The following ARIH1 variants were observed in gnomAD, a reference collection of about 807,000 sequenced individuals.
ARIH1 encodes ariadne RBR E3 ubiquitin protein ligase 1.
A neutral mutation model predicts 85.0 loss-of-function variants in ARIH1; 8 were observed. That is an observed-to-expected ratio of 0.09 (90% CI 0.06 to 0.17). The LOEUF is 0.17. Ranked by LOEUF, ARIH1 falls within the 10% of genes least tolerant of loss-of-function variation. ARIH1 has a pLI of 1.00. For synonymous variants in ARIH1, 238 were observed against 253.6 expected, an observed-to-expected ratio of 0.94 and a Z score of 0.59; for missense variants, 311 against 718.1, an observed-to-expected ratio of 0.43 and a Z score of 6.48.
Position 72,589,383 on chromosome 15 carries a change from A to G in ARIH1, c.*6091A>G, listed in dbSNP as rs2064331323. 6.6e-6 allele frequency: 1 copy of G among 152,256 alleles called. No individual in the cohort carries two copies. The highest frequency in any genetic ancestry group is 2.4e-5 in the African/African-American group (1 of 41,460). The allele number at this position is 152,256 out of a possible 1,614,324, so 9.4% of individuals were successfully genotyped here. On this transcript the variant is annotated 3_prime_UTR_variant, in exon 14 of 14. Coordinates refer to ENST00000379887, the MANE Select transcript of ARIH1 (RefSeq NM_005744.5). Reference sequence around the variant, plus strand: ...TAAGCACACCAGTGCTAACTTGGGCAAAAGATAAGGATACAGAGCTGTCTC... The same window carrying G: ...TAAGCACACCAGTGCTAACTTGGGCGAAAGATAAGGATACAGAGCTGTCTC...
chr15:72,530,735 A>G (rs1268427979), intron 2 of ARIH1, among the ~76,000 whole-genome samples: 2 of 152,234 alleles, frequency 1.3e-5, no homozygotes, highest in African/African-American at 4.8e-5. Flanking sequence ...TTTTATAACT[A>G]AACAAAATAA....
At chr15:72,541,037 G>T (rs2064104845) in intron 2 of ARIH1, among the ~76,000 whole-genome samples, 1 of 152,098 alleles carries the variant, frequency 6.6e-6, no homozygotes, top group Admixed American at 6.5e-5. Context: ...GGGACCAGGG[G>T]GCCAACGCTA....
At chr15:72,493,669 A>G (rs2063868261) in intron 1 of ARIH1, among the ~76,000 whole-genome samples, 1 of 152,306 alleles carries the variant, frequency 6.6e-6, no homozygotes, top group African/African-American at 2.4e-5. Flanking sequence ...TACCTTTTTA[A>G]AGATTCTAGA....
intron 3 of ARIH1, among the ~76,000 whole-genome samples, chr15:72,553,891 T>C (rs1486682867): frequency 2.2e-4 from 34 of 152,178 alleles, no homozygotes. Flanking sequence ...CACTCCAGCC[T>C]AGGTGACAGA....
At position 72,572,043 on chromosome 15, in the gene ARIH1, ATT is replaced by A. The variant is rs200215254; in HGVS notation, c.1158-54_1158-53del. 936 of 914,674 alleles carry A rather than the reference ATT, an allele frequency of 1.0e-3. 5 individuals are homozygous for A. The African/African-American group carries it at 0.012, about 12-fold the overall frequency. The allele number at this position is 914,674 out of a possible 1,614,324, so 56.7% of individuals were successfully genotyped here. ...TCTGTAAATCCAGGTTAAAATTCTGATTTTTTTTTTTTCCTTTTCATTGATTT... is the reference window on the plus strand; with the variant it reads ...TCTGTAAATCCAGGTTAAAATTCTGATTTTTTTTTTCCTTTTCATTGATTT... On this transcript the variant is annotated intron_variant, in intron 10 of 13. Transcript: ENST00000379887.
intron 1 of ARIH1, among the ~76,000 whole-genome samples, chr15:72,508,768 A>G (rs916123298): frequency 6.9e-6 from 1 of 145,748 alleles, no homozygotes; most frequent in African/African-American, 2.6e-5. Flanking sequence ...GTCTCGGCTC[A>G]CTGCAACCTC....
At chr15:72,578,399 G>A (rs1180325399) in intron 11 of ARIH1, among the ~76,000 whole-genome samples, 1 of 152,110 alleles carries the variant, frequency 6.6e-6, no homozygotes, top group Non-Finnish European at 1.5e-5. Flanking sequence ...CCCTTCCAGA[G>A]TACCGTGTGC....
intron 1 of ARIH1, among the ~76,000 whole-genome samples, chr15:72,498,818 C>T (rs1023825696): frequency 6.7e-6 from 1 of 149,342 alleles, no homozygotes; most frequent in East Asian, 2.0e-4. Context: ...CCAGCCTGGG[C>T]AACAAGAGTG....
rs2064307035 is a variant in ARIH1 at position 72,584,332 on chromosome 15, C to G, written c.*1040C>G. 6.6e-6 allele frequency: 1 copy of G among 152,244 alleles called. No individual in the cohort carries two copies. The highest frequency in any genetic ancestry group is 6.5e-5 in the Admixed American group (1 of 15,280). 9.4% of individuals were successfully genotyped at this position (152,244 alleles called of 1,614,324 possible). A position where few individuals can be genotyped will look rare whatever the true frequency, so the allele number is the denominator to read the frequency against. On this transcript the variant is annotated 3_prime_UTR_variant, in exon 14 of 14. Transcript: ENST00000379887. Reference sequence around the variant, plus strand: ...AATCCCCCTCCATGGCATCATGCCTCTACCCAAGCCTTTGTGTGCCCATGT... The same window carrying G: ...AATCCCCCTCCATGGCATCATGCCTGTACCCAAGCCTTTGTGTGCCCATGT...
At chr15:72,561,238 G>A (rs947083545) in intron 5 of ARIH1, among the ~76,000 whole-genome samples, 1 of 152,072 alleles carries the variant, frequency 6.6e-6, no homozygotes, top group Non-Finnish European at 1.5e-5. Context: ...CTGGGTAAAA[G>A]TAGACTATTT....
intron 1 of ARIH1, among the ~76,000 whole-genome samples, chr15:72,491,156 G>GA (rs34867759): frequency 0.03 from 4,536 of 152,248 alleles, 120 homozygotes; most frequent in East Asian, 0.11. Context: ...TTATTAGCAT[G>GA]ATAAATCAGG....
intron 2 of ARIH1, among the ~76,000 whole-genome samples, chr15:72,541,120 G>A (rs1182668959): frequency 6.6e-6 from 1 of 152,174 alleles, no homozygotes; most frequent in African/African-American, 2.4e-5. Flanking sequence ...AGAAACAGGT[G>A]GTGAGGATGT....
chr15:72,530,744 A>G (rs1044116559), intron 2 of ARIH1, among the ~76,000 whole-genome samples: 1 of 152,254 alleles, frequency 6.6e-6, no homozygotes, highest in Non-Finnish European at 1.5e-5. Flanking sequence ...TAAACAAAAT[A>G]AGCAAAATTA....
chr15:72,512,446 C>T (rs550869139), intron 1 of ARIH1, among the ~76,000 whole-genome samples: 3 of 151,148 alleles, frequency 2.0e-5, no homozygotes, highest in Non-Finnish European at 3.0e-5. Flanking sequence ...ATTTGCTTAT[C>T]ATCCTAGGTA....
intron 1 of ARIH1, among the ~76,000 whole-genome samples, chr15:72,491,949 G>A (rs2063861203): frequency 1.3e-5 from 2 of 152,156 alleles, no homozygotes; most frequent in Non-Finnish European, 2.9e-5. Flanking sequence ...CCATCCTGCT[G>A]TGCTCCAGAA....
chr15:72,515,752 A>G (rs2063972254), intron 1 of ARIH1, among the ~76,000 whole-genome samples: 2 of 152,144 alleles, frequency 1.3e-5, no homozygotes, highest in South Asian at 2.1e-4. Flanking sequence ...TTTATATCCT[A>G]ATTTTATTGT....
chr15:72,587,675 T>C lies in ARIH1; in HGVS notation c.*4383T>C, dbSNP rs577920571. 3 of 154,694 alleles carry C rather than the reference T, an allele frequency of 1.9e-5. No individual in the cohort carries two copies. Among genetic ancestry groups the C allele is most frequent in the African/African-American group, 7.2e-5 (3 of 41,582 alleles). 9.6% of individuals were successfully genotyped at this position (154,694 alleles called of 1,614,324 possible). On this transcript the variant is annotated 3_prime_UTR_variant, in exon 14 of 14. Coordinates refer to ENST00000379887, the MANE Select transcript of ARIH1 (RefSeq NM_005744.5). ...CAGGAAGATAAGTGGGCCCCTCAGA[T>C]TTTTCATATATCTTTGGGGATAAAG...
chr15:72,544,724 A>G, intron 2 of ARIH1, 96 bp from the exon 3 acceptor site: 1 of 1,103,708 alleles, frequency 9.1e-7, no homozygotes, highest in Non-Finnish European at 1.3e-6. Context: ...ATTTTAATTC[A>G]ACTTCTTGCT....
At chr15:72,559,215 A>T (rs2064187316) in intron 5 of ARIH1, among the ~76,000 whole-genome samples, 1 of 152,150 alleles carries the variant, frequency 6.6e-6, no homozygotes, top group Non-Finnish European at 1.5e-5. Context: ...TTCATAAATA[A>T]GTGGACCCAT....
Sources: gnomAD v4.1 joint callset for allele counts (sites outside exome capture counted in the v4.1 genomes callset) on GRCh38, gnomAD v4.1.1 for gene constraint, MANE v1.5 for transcripts, NCBI Gene and HGNC (gene_info 2026-07-23, HGNC 2026-07-21) for gene names.